The following TMEM178B variants were observed in gnomAD, a reference collection of about 807,000 sequenced individuals.
TMEM178B encodes the protein transmembrane protein 178B.
TMEM178B carries 5 observed loss-of-function variants against 31.0 expected under a neutral mutation model. The observed-to-expected ratio is 0.16, with a 90% CI of 0.08 to 0.34. The LOEUF is 0.34. Ranked by LOEUF, TMEM178B falls within the 10% of genes least tolerant of loss-of-function variation. The probability of loss-of-function intolerance (pLI) is 1.00; values close to 1 mark genes in which losing one functional copy is unlikely to be tolerated. For synonymous variants in TMEM178B, 164 were observed against 164.0 expected, an observed-to-expected ratio of 1.00 and a Z score of 0.00; for missense variants, 275 against 400.3, an observed-to-expected ratio of 0.69 and a Z score of 2.67.
chr7:141,153,100 G>C (rs1796004889), intron 1 of TMEM178B, among the ~76,000 whole-genome samples: 1 of 152,168 alleles, frequency 6.6e-6, no homozygotes, highest in Admixed American at 6.5e-5. Context: ...TGCTTTCGGT[G>C]AAAATTTGCA....
intron 1 of TMEM178B, among the ~76,000 whole-genome samples, chr7:141,163,387 A>C (rs534362951): frequency 2.9e-4 from 44 of 152,254 alleles, no homozygotes; most frequent in Non-Finnish European, 5.4e-4. Flanking sequence ...TTCAGGGGGC[A>C]GGGATAACGA....
chr7:141,420,737 A>C (rs943295232), intron 2 of TMEM178B, among the ~76,000 whole-genome samples: 1 of 152,162 alleles, frequency 6.6e-6, no homozygotes, highest in Non-Finnish European at 1.5e-5. Flanking sequence ...CAAACCTGTT[A>C]TCATTGATTT....
At chr7:141,394,921 A>T (rs1025188599) in intron 2 of TMEM178B, among the ~76,000 whole-genome samples, 1 of 152,112 alleles carries the variant, frequency 6.6e-6, no homozygotes. Flanking sequence ...TTCTTGTTCT[A>T]TGTTTTAACT....
At chr7:141,401,321 A>G (rs1800760859) in intron 2 of TMEM178B, among the ~76,000 whole-genome samples, 1 of 152,264 alleles carries the variant, frequency 6.6e-6, no homozygotes, top group Non-Finnish European at 1.5e-5. Context: ...CATTTAAAAT[A>G]TATTAGAATG....
At position 141,074,157 on chromosome 7, in the gene TMEM178B, T is replaced by G. The variant is rs1794554514; in HGVS notation, c.-154T>G. 2 of 1,158,124 alleles carry G rather than the reference T, an allele frequency of 1.7e-6. No homozygotes were observed. Among genetic ancestry groups the G allele is most frequent in the South Asian group, 3.8e-5 (2 of 52,808 alleles). 71.7% of individuals were successfully genotyped at this position (1,158,124 alleles called of 1,614,324 possible). On this transcript the variant is annotated 5_prime_UTR_variant, in exon 1 of 4. Coordinates refer to ENST00000565468, the MANE Select transcript of TMEM178B (RefSeq NM_001195278.2). This position sits in a 1 kb window ranked among gnomAD's most constrained non-coding sequence, Gnocchi z 5.1. ...CCCCATCCCCGCAGTCCCCGGGCCG[T>G]GCTCCGGTAGGCGGGGGCCGAGGGG...
intron 2 of TMEM178B, among the ~76,000 whole-genome samples, chr7:141,351,319 A>T (rs1312306556): frequency 6.6e-6 from 1 of 152,252 alleles, no homozygotes; most frequent in Non-Finnish European, 1.5e-5. Context: ...GAGGTCACTC[A>T]TGCATTTACA....
At chr7:141,268,261 A>G (rs1355767894) in intron 2 of TMEM178B, among the ~76,000 whole-genome samples, 1 of 152,236 alleles carries the variant, frequency 6.6e-6, no homozygotes, top group Non-Finnish European at 1.5e-5. Flanking sequence ...AAATTGAAGC[A>G]AGAACAAGCA....
In TMEM178B at chr7:141,472,529, CCAG is replaced by C. The variant is rs914531910; in HGVS notation, c.*1748_*1750del. The C allele has an allele frequency of 6.6e-6, 1 of 152,146 alleles. No homozygotes were observed. The highest frequency in any genetic ancestry group is 2.4e-5 in the African/African-American group (1 of 41,414). 9.4% of individuals were successfully genotyped at this position (152,146 alleles called of 1,614,324 possible). ...GTCATCTCAGTGAGCCTGCTGGTGC[CCAG>C]CAGCCCTGGGGAGGCCAGGTGAGAA... On this transcript the variant is annotated 3_prime_UTR_variant, in exon 4 of 4. Coordinates refer to ENST00000565468, the MANE Select transcript of TMEM178B (RefSeq NM_001195278.2).
chr7:141,403,954 C>T (rs1365697063), intron 2 of TMEM178B, among the ~76,000 whole-genome samples: 1 of 152,160 alleles, frequency 6.6e-6, no homozygotes, highest in Non-Finnish European at 1.5e-5. Context: ...GTGTTTACCC[C>T]CAATGTGTTA....
chr7:141,309,682 C>T (rs1441719190), intron 2 of TMEM178B, among the ~76,000 whole-genome samples: 6 of 152,054 alleles, frequency 3.9e-5, no homozygotes, highest in Admixed American at 2.6e-4. Flanking sequence ...ATTACCTATC[C>T]GTGTCTTGTC....
Position 141,347,294 on chromosome 7 carries a change from T to C in TMEM178B, c.497-90314T>C, listed in dbSNP as rs1157604151. On this transcript the variant is annotated intron_variant, in intron 2 of 3. Transcript: ENST00000565468. ...TCTGGATCAGGTTCTACTTAGATTT[T>C]CCTTCAAATTTAAATGTAGTGTGGA... is the stretch of plus-strand genomic sequence containing the variant. 2.6e-5 allele frequency among the ~76,000 whole-genome samples: 4 copies of C among 152,188 alleles called. No individual in the cohort carries two copies. In the East Asian group the frequency reaches 5.8e-4, roughly 22 times the overall value.
intron 2 of TMEM178B, among the ~76,000 whole-genome samples, chr7:141,291,565 A>G (rs1436737898): frequency 6.6e-6 from 1 of 152,168 alleles, no homozygotes; most frequent in African/African-American, 2.4e-5. Context: ...AGGTAAGAAA[A>G]TTGACATCAA....
intron 2 of TMEM178B, among the ~76,000 whole-genome samples, chr7:141,399,699 G>A (rs900258821): frequency 8.5e-5 from 13 of 152,170 alleles, no homozygotes; most frequent in East Asian, 5.8e-4. Flanking sequence ...CATTTTGTTC[G>A]CCTTCGTTGT....
At chr7:141,180,095 G>T (rs1297564889) in intron 1 of TMEM178B, among the ~76,000 whole-genome samples, 1 of 152,172 alleles carries the variant, frequency 6.6e-6, no homozygotes, top group Non-Finnish European at 1.5e-5. Context: ...ACAGTATAGA[G>T]AGAAATGGTG....
At chr7:141,409,200 A>G (rs1800937595) in intron 2 of TMEM178B, among the ~76,000 whole-genome samples, 1 of 152,214 alleles carries the variant, frequency 6.6e-6, no homozygotes, top group Non-Finnish European at 1.5e-5. Flanking sequence ...CCATGTCACT[A>G]TCATGTGAGA....
At chr7:141,407,167 A>G (rs567782211) in intron 2 of TMEM178B, among the ~76,000 whole-genome samples, 2 of 152,326 alleles carry the variant, frequency 1.3e-5, no homozygotes, top group African/African-American at 4.8e-5. Flanking sequence ...GAAAATATTT[A>G]CTATCTGGCC....
chr7:141,394,921 A>G (rs1025188599), intron 2 of TMEM178B, among the ~76,000 whole-genome samples: 2 of 152,112 alleles, frequency 1.3e-5, no homozygotes, highest in Non-Finnish European at 2.9e-5. Context: ...TTCTTGTTCT[A>G]TGTTTTAACT....
At chr7:141,377,100 T>G (rs976049581) in intron 2 of TMEM178B, among the ~76,000 whole-genome samples, 1 of 152,164 alleles carries the variant, frequency 6.6e-6, no homozygotes, top group African/African-American at 2.4e-5. Flanking sequence ...TTTGCTTTGA[T>G]TTTTAATTTT....
At chr7:141,249,039 T>G (rs550019484) in intron 2 of TMEM178B, among the ~76,000 whole-genome samples, 1 of 152,292 alleles carries the variant, frequency 6.6e-6, no homozygotes, top group South Asian at 2.1e-4. Flanking sequence ...ATGTGGGCTG[T>G]TGGATGTTGG....
Sources: gnomAD v4.1 joint callset for allele counts (sites outside exome capture counted in the v4.1 genomes callset) on GRCh38, gnomAD v4.1.1 for gene constraint, Gnocchi (gnomAD v3.1) non-coding constraint, MANE v1.5 for transcripts, NCBI Gene and HGNC (gene_info 2026-07-23, HGNC 2026-07-21) for gene names.